Variants in FAR2 observed in about 807,000 individuals in gnomAD.
The protein encoded by FAR2 is fatty acyl-CoA reductase 2, also known as epididymis secretory protein Li 81.
FAR2 carries 19 observed loss-of-function variants against 56.0 expected under a neutral mutation model. The observed-to-expected ratio is 0.34, with a 90% CI of 0.24 to 0.50. The LOEUF is 0.50. FAR2 is among the 20% of genes least tolerant of loss of function. The pLI, the probability that FAR2 is intolerant of heterozygous loss-of-function variation, is 0.98. For synonymous variants in FAR2, 219 were observed against 218.8 expected (o/e 1.00, Z -0.01); for missense variants, 508 against 642.2 (o/e 0.79, Z 2.26).
chr12:29,293,948 G>T (rs1239531465), intron 3 of FAR2, among the ~76,000 whole-genome samples: 1 of 151,980 alleles, frequency 6.6e-6, no homozygotes. Flanking sequence ...TCACCCCTTT[G>T]TGTGCTCTTC....
intron 1 of FAR2, among the ~76,000 whole-genome samples, chr12:29,165,480 A>T (rs758787508): frequency 4.6e-5 from 7 of 152,234 alleles, no homozygotes; most frequent in Non-Finnish European, 1.0e-4. Context: ...ACATAAAAAT[A>T]TAGTTATTAT....
In FAR2 at chr12:29,297,237, G is replaced by A. The variant is rs1277239056; in HGVS notation, c.545+37G>A. 2.6e-6 allele frequency: 4 copies of A among 1,560,564 alleles called. No homozygotes were observed. In the Admixed American group the frequency reaches 5.6e-5, roughly 22 times the overall value. ...TAATAAAAGGATCAAGGGGCGGGTA[G>A]AATAAGTTCCTTTGTTCTCTTTGAT... On this transcript the variant is annotated intron_variant, in intron 4 of 11. Coordinates refer to ENST00000536681, the MANE Select transcript of FAR2 (RefSeq NM_001271783.2).
At chr12:29,315,137 A>G (rs960604921) in intron 8 of FAR2, among the ~76,000 whole-genome samples, 2 of 152,216 alleles carry the variant, frequency 1.3e-5, no homozygotes, top group African/African-American at 4.8e-5. Context: ...CTGCTATTTT[A>G]TATGTGATGG....
At position 29,184,786 on chromosome 12, in the gene FAR2, G is replaced by C. The variant is rs867206391; in HGVS notation, c.-39+35379G>C. Among the ~76,000 whole-genome samples the C allele has an allele frequency of 2.6e-5, 4 of 152,180 alleles. No homozygotes were observed. In the South Asian group the frequency reaches 8.3e-4, roughly 32 times the overall value. On this transcript the variant is annotated intron_variant, in intron 1 of 11. Coordinates refer to ENST00000536681, the MANE Select transcript of FAR2 (RefSeq NM_001271783.2). ...GAGGGAGTTTTTAAAATCTTTAGTA[G>C]CATATTCTGGTGTCTCACCCCAACC...
intron 1 of FAR2, among the ~76,000 whole-genome samples, chr12:29,216,358 T>G (rs1947621437): frequency 6.6e-6 from 1 of 152,212 alleles, no homozygotes. Context: ...TACCAGGAAT[T>G]TCCTCCCCTT....
chr12:29,231,775 C>T (rs1189668205), intron 1 of FAR2, among the ~76,000 whole-genome samples: 2 of 152,096 alleles, frequency 1.3e-5, no homozygotes, highest in African/African-American at 4.8e-5. Context: ...ATGCTTCATT[C>T]ATTTGGCAAA....
chr12:29,200,419 A>G (rs1947392514), intron 1 of FAR2, among the ~76,000 whole-genome samples: 2 of 152,338 alleles, frequency 1.3e-5, no homozygotes, highest in Non-Finnish European at 2.9e-5. Context: ...ACGGCTGTCA[A>G]CTATGACTCA....
intron 2 of FAR2, 69 bp from the exon 3 acceptor site, chr12:29,293,231 G>T (rs1949002465): frequency 1.6e-6 from 2 of 1,274,282 alleles, no homozygotes; most frequent in Non-Finnish European, 2.1e-6. Context: ...TAAGCAGGTT[G>T]TTATAAACAA....
intron 1 of FAR2, among the ~76,000 whole-genome samples, chr12:29,240,129 G>A (rs73079515): frequency 6.6e-5 from 10 of 152,270 alleles, no homozygotes; most frequent in South Asian, 2.1e-4. Flanking sequence ...TGTCGACAGC[G>A]TGGCTCATAA....
intron 9 of FAR2, among the ~76,000 whole-genome samples, chr12:29,320,288 G>T (rs1247483032): frequency 6.6e-6 from 1 of 152,106 alleles, no homozygotes; most frequent in Non-Finnish European, 1.5e-5. Flanking sequence ...ATATAGTTCT[G>T]TACATCCAAT....
intron 1 of FAR2, among the ~76,000 whole-genome samples, chr12:29,181,298 G>C (rs1263965939): frequency 6.6e-6 from 1 of 152,078 alleles, no homozygotes; most frequent in Non-Finnish European, 1.5e-5. Flanking sequence ...GGCTAAAATA[G>C]TATCATTAAT....
At chr12:29,281,616 G>A (rs1356388639) in intron 2 of FAR2, 1 of 152,026 alleles carries the variant, frequency 6.6e-6, no homozygotes, top group Non-Finnish European at 1.5e-5. Flanking sequence ...TGGGGCTGTG[G>A]GAGAAAAAAT....
chr12:29,323,438 C>G (rs973272544), intron 10 of FAR2, among the ~76,000 whole-genome samples: 3 of 152,210 alleles, frequency 2.0e-5, no homozygotes, highest in Non-Finnish European at 2.9e-5. Context: ...TGAGAATGGG[C>G]AGACTGCCTC....
At chr12:29,153,255 G>A (rs375270777) in intron 1 of FAR2, among the ~76,000 whole-genome samples, 5 of 152,106 alleles carry the variant, frequency 3.3e-5, no homozygotes, top group East Asian at 1.9e-4. Flanking sequence ...CACTGACTCC[G>A]TTTTGGTGTT....
intron 1 of FAR2, among the ~76,000 whole-genome samples, chr12:29,235,493 A>C (rs927123979): frequency 1.3e-5 from 2 of 152,202 alleles, no homozygotes; most frequent in African/African-American, 4.8e-5. Context: ...ACTTCCTGTA[A>C]TAAGTCCTGA....
At chr12:29,269,944 C>T (rs1405118407) in intron 1 of FAR2, among the ~76,000 whole-genome samples, 1 of 152,160 alleles carries the variant, frequency 6.6e-6, no homozygotes, top group Non-Finnish European at 1.5e-5. Context: ...CACGCTGTGC[C>T]ACACCACTGC....
chr12:29,254,154 A>G (rs1948278056), intron 1 of FAR2, among the ~76,000 whole-genome samples: 1 of 152,204 alleles, frequency 6.6e-6, no homozygotes, highest in Admixed American at 6.5e-5. Context: ...AGCTGTCCAC[A>G]ATTCCCCTGG....
At position 29,188,596 on chromosome 12, in the gene FAR2, T is replaced by C. The variant is rs184213183; in HGVS notation, c.-39+39189T>C. Among the ~76,000 whole-genome samples, 29 of 152,314 alleles carry C rather than the reference T, an allele frequency of 1.9e-4. No individual in the cohort carries two copies. In the East Asian group the frequency reaches 3.3e-3, roughly 17 times the overall value. ...TTAATATACCATGGTACATGAATAC[T>C]AGCTGAACTCAAGGCTTTATTTGAA... On this transcript the variant is annotated intron_variant, in intron 1 of 11. Transcript: ENST00000536681.
intron 2 of FAR2, chr12:29,291,577 A>T (rs912051795): frequency 9.7e-6 from 4 of 412,402 alleles, no homozygotes; most frequent in African/African-American, 8.3e-5. Context: ...TGAAATACAG[A>T]TTCCTGGGTG....
Sources: allele counts gnomAD v4.1 joint callset (sites outside exome capture counted in the v4.1 genomes callset), GRCh38; gene constraint gnomAD v4.1.1; transcripts MANE v1.5; gene names NCBI Gene and HGNC (gene_info 2026-07-23, HGNC 2026-07-21).